The following CLMN variants were observed in gnomAD, a reference collection of about 807,000 sequenced individuals.
CLMN encodes the protein calmin.
CLMN carries 57 observed loss-of-function variants against 92.7 expected under a neutral mutation model. The ratio of observed to expected loss-of-function variants is 0.61; its 90% CI spans 0.50 to 0.77. The LOEUF (loss-of-function observed/expected upper bound fraction) is 0.77. Ranked by LOEUF, CLMN falls within the 30% of genes least tolerant of loss-of-function variation. The probability of loss-of-function intolerance (pLI) is 0.00; values close to 1 mark genes in which losing one functional copy is unlikely to be tolerated. For synonymous variants in CLMN, 466 were observed against 470.6 expected (o/e 0.99, Z 0.13); for missense variants, 1,158 against 1,237.5 (o/e 0.94, Z 0.96).
intron 1 of CLMN, among the ~76,000 whole-genome samples, chr14:95,235,105 T>C (rs190580436): frequency 1.3e-5 from 2 of 149,750 alleles, no homozygotes; most frequent in East Asian, 3.9e-4. Flanking sequence ...GAAAACTCTC[T>C]CTCTTTCTCT....
intron 1 of CLMN, among the ~76,000 whole-genome samples, chr14:95,276,618 T>C (rs573329643): frequency 9.9e-5 from 15 of 152,178 alleles, no homozygotes; most frequent in Non-Finnish European, 2.2e-4. Context: ...CTTTCTTTCC[T>C]TTCCCTTTCC....
In CLMN at chr14:95,292,367, CT is replaced by C. The variant is rs368287676; in HGVS notation, c.82+27343del. On this transcript the variant is annotated intron_variant, in intron 1 of 12. Transcript: ENST00000298912. ...GTCTCCAGAGATTTCATAAGCTCCC[CT>C]AGGATGGTTTAAAATAACAACACAA... is the stretch of plus-strand genomic sequence containing the variant. Among the ~76,000 whole-genome samples the C allele has an allele frequency of 3.4e-3, 515 of 152,044 alleles. 4 individuals are homozygous for C. Among genetic ancestry groups the C allele is most frequent in the African/African-American group, 0.011 (471 of 41,458 alleles).
intron 1 of CLMN, among the ~76,000 whole-genome samples, chr14:95,272,300 G>A (rs1344081963): frequency 6.6e-6 from 1 of 151,876 alleles, no homozygotes; most frequent in Non-Finnish European, 1.5e-5. Context: ...GGGGAGGAGG[G>A]CACTCCAGGA....
At chr14:95,233,496 A>G (rs1427957198) in intron 1 of CLMN, among the ~76,000 whole-genome samples, 3 of 152,200 alleles carry the variant, frequency 2.0e-5, no homozygotes, top group African/African-American at 4.8e-5. Flanking sequence ...GCAGATATTT[A>G]TGCAGTAATT....
intron 1 of CLMN, among the ~76,000 whole-genome samples, chr14:95,290,685 C>G (rs150448369): frequency 1.1e-4 from 16 of 152,316 alleles, no homozygotes; most frequent in African/African-American, 2.9e-4. Context: ...GGTTTCTGAC[C>G]TCCAGAACTG....
intron 4 of CLMN, among the ~76,000 whole-genome samples, chr14:95,220,169 C>CTTTTTTTTTTTTTTTT (rs767326601): frequency 2.8e-5 from 2 of 71,804 alleles, no homozygotes; most frequent in South Asian, 6.2e-4. Flanking sequence ...GGATAGGTCC[C>CTTTTTTTTTTTTTTTT]TTTTTTTTTT....
intron 1 of CLMN, among the ~76,000 whole-genome samples, chr14:95,238,144 G>A (rs1171478485): frequency 1.3e-5 from 2 of 152,200 alleles, no homozygotes; most frequent in African/African-American, 4.8e-5. Flanking sequence ...CAACGCTGCC[G>A]ACTCCCACGG....
chr14:95,253,328 C>A (rs995195007), intron 1 of CLMN, among the ~76,000 whole-genome samples: 1 of 152,228 alleles, frequency 6.6e-6, no homozygotes, highest in Non-Finnish European at 1.5e-5. Flanking sequence ...CCCAAGATCT[C>A]ACAGTCAGGG....
At chr14:95,196,133 G>A (rs1347392047) in intron 10 of CLMN, among the ~76,000 whole-genome samples, 1 of 152,200 alleles carries the variant, frequency 6.6e-6, no homozygotes, top group East Asian at 1.9e-4. Context: ...GTGAAGTCTG[G>A]TCAACCTGTA....
At chr14:95,243,028 G>GTCA (rs1898317601) in intron 1 of CLMN, among the ~76,000 whole-genome samples, 1 of 152,178 alleles carries the variant, frequency 6.6e-6, no homozygotes, top group Non-Finnish European at 1.5e-5. Context: ...ATAGAGTCAA[G>GTCA]TCATCATCAT....
rs76452371 is a variant in CLMN at position 95,191,408 on chromosome 14, A to G, written c.*156T>C. On this transcript the variant is annotated 3_prime_UTR_variant, in exon 13 of 13. Coordinates refer to ENST00000298912, the MANE Select transcript of CLMN (RefSeq NM_024734.4). This position sits in a 1 kb window ranked among gnomAD's most constrained non-coding sequence, Gnocchi z 5.3. ...TGTCCAGAAAAAAAAGGAAACCTGA[A>G]AAAAAAAAAAAAACCACAATAGCGA... 2.2e-6 allele frequency: 1 copy of G among 449,236 alleles called. No individual in the cohort carries two copies. Among genetic ancestry groups the G allele is most frequent in the African/African-American group, 2.1e-5 (1 of 47,268 alleles). 27.8% of individuals were successfully genotyped at this position (449,236 alleles called of 1,614,324 possible). A position where few individuals can be genotyped will look rare whatever the true frequency, so the allele number is the denominator to read the frequency against.
chr14:95,248,583 C>A (rs903722860), intron 1 of CLMN, among the ~76,000 whole-genome samples: 1 of 152,208 alleles, frequency 6.6e-6, no homozygotes, highest in Non-Finnish European at 1.5e-5. Context: ...AAATCATTAG[C>A]AGAAGTATTC....
chr14:95,208,177 A>G (rs1432909158), intron 8 of CLMN, among the ~76,000 whole-genome samples: 2 of 152,146 alleles, frequency 1.3e-5, no homozygotes, highest in Non-Finnish European at 2.9e-5. Flanking sequence ...ACCCCAAGTT[A>G]CGTTTTTGCT....
chr14:95,313,719 G>A (rs1901642072), intron 1 of CLMN, among the ~76,000 whole-genome samples: 1 of 151,604 alleles, frequency 6.6e-6, no homozygotes, highest in Non-Finnish European at 1.5e-5. Context: ...CACTTTTAAT[G>A]GTTCAATCAC....
Position 95,255,207 on chromosome 14 carries a change from C to A in CLMN, c.83-25074G>T, listed in dbSNP as rs547937865. ...TGCCGGCACCTTGATCCTGGACTTC[C>A]AGCCTCCAGCACTATAGGAAAATAC... On this transcript the variant is annotated intron_variant, in intron 1 of 12. Coordinates refer to ENST00000298912, the MANE Select transcript of CLMN (RefSeq NM_024734.4). Among the ~76,000 whole-genome samples, 544 of 152,272 alleles carry A rather than the reference C, an allele frequency of 3.6e-3. 9 individuals carry two copies. The highest frequency in any genetic ancestry group is 0.013 in the African/African-American group (526 of 41,554).
chr14:95,279,588 C>A (rs1258725806), intron 1 of CLMN, among the ~76,000 whole-genome samples: 2 of 152,234 alleles, frequency 1.3e-5, no homozygotes, highest in Non-Finnish European at 2.9e-5. Flanking sequence ...TCGAGACCAT[C>A]CTGGCTAACA....
At chr14:95,206,628 A>C (rs1464190675) in intron 8 of CLMN, among the ~76,000 whole-genome samples, 1 of 152,240 alleles carries the variant, frequency 6.6e-6, no homozygotes, top group African/African-American at 2.4e-5. Flanking sequence ...ATAAGCTGTA[A>C]ATTCTCATCT....
At chr14:95,249,386 C>T (rs1160947610) in intron 1 of CLMN, among the ~76,000 whole-genome samples, 1 of 152,186 alleles carries the variant, frequency 6.6e-6, no homozygotes, top group Non-Finnish European at 1.5e-5. Flanking sequence ...CGATCCTGGA[C>T]TTTGCACCCT....
Position 95,190,228 on chromosome 14 carries a change from AG to A in CLMN, c.*1335del, listed in dbSNP as rs548962347. On this transcript the variant is annotated 3_prime_UTR_variant, in exon 13 of 13. Transcript: ENST00000298912. ...AATCTAGTCATTTTATCTTTTTCTC[AG>A]GACATTGGTGTGCCCAGTGGAAGTT... is the stretch of plus-strand genomic sequence containing the variant. The A allele has an allele frequency of 8.5e-5, 13 of 152,336 alleles. No homozygotes were observed. The East Asian group carries it at 2.5e-3, about 29-fold the overall frequency. The allele number at this position is 152,336 out of a possible 1,614,324, so 9.4% of individuals were successfully genotyped here.
Sources: allele counts gnomAD v4.1 joint callset (sites outside exome capture counted in the v4.1 genomes callset), GRCh38; gene constraint gnomAD v4.1.1; non-coding constraint Gnocchi (gnomAD v3.1); transcripts MANE v1.5; gene names NCBI Gene and HGNC (gene_info 2026-07-23, HGNC 2026-07-21).